The following TTC28 variants were observed in gnomAD, a reference collection of about 807,000 sequenced individuals.
TTC28 encodes tetratricopeptide repeat protein 28.
Under a neutral mutation model 198.0 loss-of-function variants are expected in TTC28, and 61 were observed. The ratio of observed to expected loss-of-function variants is 0.31; its 90% CI spans 0.25 to 0.38. The LOEUF (loss-of-function observed/expected upper bound fraction) is 0.38, where lower values mean the gene tolerates loss of function less well. Ranked by LOEUF, TTC28 falls within the 10% of genes least tolerant of loss-of-function variation. TTC28 has a pLI of 1.00. For synonymous variants in TTC28, 1,171 were observed against 1,297.8 expected (o/e 0.90, Z 2.10); for missense variants, 2,678 against 3,164.0 (o/e 0.85, Z 3.69).
At chr22:28,128,938 G>A (rs1942984822) in intron 6 of TTC28, among the ~76,000 whole-genome samples, 1 of 152,180 alleles carries the variant, frequency 6.6e-6, no homozygotes, top group African/African-American at 2.4e-5. Flanking sequence ...GAGCTAGATT[G>A]TGTAAGAAGT....
chr22:28,598,941 CTG>C (rs1372118811), intron 2 of TTC28, among the ~76,000 whole-genome samples: 2 of 152,150 alleles, frequency 1.3e-5, no homozygotes, highest in East Asian at 1.9e-4. Context: ...GATTACAAAA[CTG>C]TGAGTGAAAT....
chr22:28,602,973 G>A (rs775711775), intron 2 of TTC28, among the ~76,000 whole-genome samples: 8 of 152,190 alleles, frequency 5.3e-5, no homozygotes, highest in African/African-American at 9.6e-5. Context: ...TCTGCCTCCC[G>A]GGTTCCAGCG....
intron 19 of TTC28, among the ~76,000 whole-genome samples, chr22:27,991,724 C>A (rs1937415692): frequency 6.6e-6 from 1 of 152,210 alleles, no homozygotes; most frequent in Non-Finnish European, 1.5e-5. Flanking sequence ...ACAGCTGTCC[C>A]CCCAGGGGCT....
intron 6 of TTC28, among the ~76,000 whole-genome samples, chr22:28,148,291 T>C (rs1403732654): frequency 6.6e-6 from 1 of 152,216 alleles, no homozygotes; most frequent in African/African-American, 2.4e-5. Flanking sequence ...AAGTTCATTA[T>C]ATTTCTGGTT....
intron 2 of TTC28, among the ~76,000 whole-genome samples, chr22:28,354,273 C>T (rs1245111864): frequency 3.3e-5 from 5 of 152,110 alleles, no homozygotes; most frequent in Non-Finnish European, 5.9e-5. Flanking sequence ...GTAGAAACAA[C>T]CCAAGTATCC....
rs577391370 is a variant in TTC28 at position 28,641,091 on chromosome 22, C to T, written c.103-11261G>A. On this transcript the variant is annotated intron_variant, in intron 1 of 22. Transcript: ENST00000397906. ...CTGTAATCCCAGCACTATGGGAGGC[C>T]GAGGTAGGTGGATCACGAGGTCAGG... Among the ~76,000 whole-genome samples the T allele has an allele frequency of 1.2e-4, 18 of 152,122 alleles. No individual in the cohort carries two copies. In the East Asian group the frequency reaches 2.7e-3, roughly 23 times the overall value.
intron 6 of TTC28, among the ~76,000 whole-genome samples, chr22:28,160,297 C>A (rs1408570051): frequency 6.6e-6 from 1 of 152,188 alleles, no homozygotes; most frequent in Non-Finnish European, 1.5e-5. Context: ...CATTGCATGC[C>A]TGTATCAAAA....
chr22:28,292,805 T>C (rs1229698252), intron 5 of TTC28, among the ~76,000 whole-genome samples: 1 of 152,176 alleles, frequency 6.6e-6, no homozygotes, highest in Non-Finnish European at 1.5e-5. Context: ...TTTTCATGTA[T>C]TAAAGCTTGC....
At chr22:28,181,646 A>C (rs1923709467) in intron 5 of TTC28, among the ~76,000 whole-genome samples, 1 of 152,172 alleles carries the variant, frequency 6.6e-6, no homozygotes, top group Admixed American at 6.5e-5. Context: ...TTCCTCCTGA[A>C]GGACTATAAA....
intron 2 of TTC28, among the ~76,000 whole-genome samples, chr22:28,623,695 A>T (rs1051034470): frequency 1.3e-5 from 2 of 152,206 alleles, no homozygotes; most frequent in Non-Finnish European, 2.9e-5. Context: ...TATAAAGAGT[A>T]TGTTATTTGA....
Position 28,107,526 on chromosome 22 carries a change from G to A in TTC28, c.2319C>T (p.Ala773=). The A allele has an allele frequency of 1.3e-6, 2 of 1,551,802 alleles. No homozygotes were observed. Among genetic ancestry groups the A allele is most frequent in the African/African-American group, 1.4e-5 (1 of 73,148 alleles). The change falls in exon 7 of 23, where the codon GCC becomes GCT. Residue 773 remains alanine, a synonymous_variant. Transcript: ENST00000397906. The stretch of plus-strand genomic sequence containing the variant: ...CCAGTTCCTGTGTGTGATAACCCAG[G>A]GCCTTGTCATACTTCTGGATCATTC... ...AYRMIQKYDK[A]LGYHTQELEV... is the part of the protein sequence containing the mutation.
intron 2 of TTC28, among the ~76,000 whole-genome samples, chr22:28,333,916 A>C (rs2045658638): frequency 6.6e-6 from 1 of 152,006 alleles, no homozygotes; most frequent in Non-Finnish European, 1.5e-5. Flanking sequence ...TTTGTTACAT[A>C]TGTATACATG....
chr22:28,136,882 T>C (rs558582465), intron 6 of TTC28, among the ~76,000 whole-genome samples: 1 of 152,300 alleles, frequency 6.6e-6, no homozygotes, highest in East Asian at 1.9e-4. Flanking sequence ...AGTAGTAATA[T>C]GTCTTTGCCG....
At chr22:28,375,201 T>C (rs1386288893) in intron 2 of TTC28, among the ~76,000 whole-genome samples, 1 of 152,144 alleles carries the variant, frequency 6.6e-6, no homozygotes, top group Non-Finnish European at 1.5e-5. Flanking sequence ...GTTTTAGATC[T>C]CCGAAATGAA....
chr22:28,286,643 T>C (rs1431641076), intron 5 of TTC28, among the ~76,000 whole-genome samples: 3 of 152,174 alleles, frequency 2.0e-5, no homozygotes, highest in South Asian at 2.1e-4. Context: ...ACATTACTTA[T>C]GTAATGATAA....
intron 2 of TTC28, among the ~76,000 whole-genome samples, chr22:28,432,688 A>G (rs187277680): frequency 2.0e-4 from 30 of 152,332 alleles, no homozygotes; most frequent in African/African-American, 6.5e-4. Flanking sequence ...TTACTTATCA[A>G]TGAGATCTAT....
intron 2 of TTC28, among the ~76,000 whole-genome samples, chr22:28,572,721 G>C (rs112595629): frequency 2.6e-5 from 4 of 152,288 alleles, no homozygotes; most frequent in African/African-American, 7.2e-5. Context: ...GAGATGTGTG[G>C]GGAAGAACAG....
At chr22:28,153,396 A>T (rs6005728) in intron 6 of TTC28, among the ~76,000 whole-genome samples, 8 of 61,618 alleles carry the variant, frequency 1.3e-4, no homozygotes, top group East Asian at 5.7e-4. Flanking sequence ...TCAAAGAATT[A>T]AAAAAAAAAA....
Position 28,629,680 on chromosome 22 carries a change from G to A in TTC28, c.253C>T (p.Leu85=), listed in dbSNP as rs2051140141. ...HTAIVLYNEA[L]AVDPQNCILY... ...ATGCAGTTCTGAGGGTCAACAGCCAGGGCTTCATTATACAGAACAATAGCT... is the reference window on the plus strand; with the variant it reads ...ATGCAGTTCTGAGGGTCAACAGCCAAGGCTTCATTATACAGAACAATAGCT... The change falls in exon 2 of 23, where the codon CTG becomes TTG. Residue 85 remains leucine (L), a synonymous_variant. Coordinates refer to ENST00000397906, the MANE Select transcript of TTC28 (RefSeq NM_001145418.2). 6.4e-7 allele frequency: 1 copy of A among 1,551,658 alleles called. No individual in the cohort carries two copies. Among genetic ancestry groups the A allele is most frequent in the Non-Finnish European group, 8.7e-7 (1 of 1,146,994 alleles).
Sources: gnomAD v4.1 joint callset for allele counts (sites outside exome capture counted in the v4.1 genomes callset) on GRCh38, gnomAD v4.1.1 for gene constraint, MANE v1.5 for transcripts, NCBI Gene and HGNC (gene_info 2026-07-23, HGNC 2026-07-21) for gene names.